SS18L2: variants seen among roughly 807,000 people sequenced by gnomAD.
SS18L2 encodes the protein SS18-like protein 2.
A neutral mutation model predicts 10.3 loss-of-function variants in SS18L2; 8 were observed. The ratio of observed to expected loss-of-function variants is 0.78; its 90% confidence interval spans 0.46 to 1.41. SS18L2 has a LOEUF of 1.41. Among genes scored for constraint, SS18L2 ranks in the 40% most tolerant of loss-of-function variants. The probability of loss-of-function intolerance (pLI) is 0.00; values close to 1 mark genes in which losing one functional copy is unlikely to be tolerated. For missense variants in SS18L2, 100 were observed against 96.2 expected (o/e 1.04, Z -0.17); for synonymous variants, 41 against 34.6 (o/e 1.19, Z -0.65).
Position 42,594,363 on chromosome 3 carries a change from T to G in SS18L2, c.147-59T>G, listed in dbSNP as rs1255471825. On this transcript the variant is annotated intron_variant, in intron 2 of 2. Transcript: ENST00000011691. ...TAGAGTGGGTAAATTATTTTCCAGTTTTTTGTTCATGGTCGGTAAAAACAA... is the reference window on the plus strand; with the variant it reads ...TAGAGTGGGTAAATTATTTTCCAGTGTTTTGTTCATGGTCGGTAAAAACAA... The G allele has an allele frequency of 1.5e-5, 21 of 1,385,674 alleles. No individual in the cohort carries two copies. In the Admixed American group the frequency reaches 3.4e-4, roughly 23 times the overall value. 85.8% of individuals were successfully genotyped at this position (1,385,674 alleles called of 1,614,324 possible). A position where few individuals can be genotyped will look rare whatever the true frequency, so the allele number is the denominator to read the frequency against.
intron 1 of SS18L2, among the ~76,000 whole-genome samples, chr3:42,583,324 A>G (rs1437820558): frequency 6.6e-6 from 1 of 152,212 alleles, no homozygotes; most frequent in African/African-American, 2.4e-5. Context: ...AGATCTAAGA[A>G]GGCTGCAGAG....
chr3:42,585,077 C>T (rs919838248), intron 1 of SS18L2, among the ~76,000 whole-genome samples: 1 of 152,050 alleles, frequency 6.6e-6, no homozygotes, highest in Non-Finnish European at 1.5e-5. Flanking sequence ...TGCAGTAAGC[C>T]GAGATCGCAC....
chr3:42,585,209 A>G (rs916850780), intron 1 of SS18L2, among the ~76,000 whole-genome samples: 1 of 152,256 alleles, frequency 6.6e-6, no homozygotes, highest in African/African-American at 2.4e-5. Flanking sequence ...CGAGTGCTTT[A>G]GAACAGGACC....
chr3:42,590,759 T>C, upstream of SS18L2: 3 of 892,012 alleles, frequency 3.4e-6, no homozygotes, highest in Non-Finnish European at 5.6e-6. Context: ...TGAGTATAGC[T>C]CTTGCGCGTC....
rs930993735 is a variant in SS18L2 at position 42,596,312 on chromosome 3, G to A, written c.*1803G>A. Among the ~76,000 whole-genome samples the A allele has an allele frequency of 6.6e-6, 1 of 152,154 alleles. No homozygotes were observed. The highest frequency in any genetic ancestry group is 2.4e-5 in the African/African-American group (1 of 41,438). On this transcript the variant is annotated 3_prime_UTR_variant, in exon 3 of 3. Coordinates refer to ENST00000011691, the MANE Select transcript of SS18L2 (RefSeq NM_001370300.1). The stretch of plus-strand genomic sequence containing the variant: ...GCTGGGATTACAGGCGTAAGCCACC[G>A]CGCCCAGCCGATCATTTCTGTTTTC...
intron 1 of SS18L2, among the ~76,000 whole-genome samples, chr3:42,583,180 T>C (rs1244246610): frequency 6.6e-6 from 1 of 152,246 alleles, no homozygotes; most frequent in Non-Finnish European, 1.5e-5. Context: ...AAACTCACTT[T>C]GGCTGCTAAA....
Position 42,594,586 on chromosome 3 carries a change from T to G in SS18L2, c.*77T>G. The G allele has an allele frequency of 6.2e-6, 8 of 1,287,014 alleles. No individual in the cohort carries two copies. The highest frequency in any genetic ancestry group is 8.9e-6 in the Non-Finnish European group (8 of 894,436). 79.7% of individuals were successfully genotyped at this position (1,287,014 alleles called of 1,614,324 possible). A position where few individuals can be genotyped will look rare whatever the true frequency, so the allele number is the denominator to read the frequency against. ...TGAATGTAATCCATCTCTTACAAAA[T>G]GGAGACAGGGTCTTTACCAACTCAA... On this transcript the variant is annotated 3_prime_UTR_variant, in exon 3 of 3. Coordinates refer to ENST00000011691, the MANE Select transcript of SS18L2 (RefSeq NM_001370300.1).
rs746859480 is a variant in SS18L2 at position 42,591,531 on chromosome 3, G to A, written c.76G>A (p.Glu26Lys). Reference sequence around the variant, plus strand: ...TCTTTCTCTGATCTTTCAGCTCCTTGAGGAGAATGACCAGCTGATCCGCTG... The same window carrying A: ...TCTTTCTCTGATCTTTCAGCTCCTTAAGGAGAATGACCAGCTGATCCGCTG... ...VNQETIQRLL[E>K]ENDQLIRCIV... Residue 26 changes from glutamate to lysine, a missense_variant, in exon 2 of 3, where the codon GAG (glutamate) becomes AAG (lysine). Coordinates refer to ENST00000011691, the MANE Select transcript of SS18L2 (RefSeq NM_001370300.1). 1.9e-6 allele frequency: 3 copies of A among 1,613,522 alleles called. No individual in the cohort carries two copies. The highest frequency in any genetic ancestry group is 3.3e-5 in the Admixed American group (2 of 60,020).
chr3:42,593,306 A>G (rs1322707311), intron 2 of SS18L2, among the ~76,000 whole-genome samples: 1 of 152,190 alleles, frequency 6.6e-6, no homozygotes, highest in African/African-American at 2.4e-5. Context: ...AATCCCAGCT[A>G]CTTGGGAGGC....
Position 42,595,231 on chromosome 3 carries a change from T to A in SS18L2, c.*722T>A, listed in dbSNP as rs573856727. Reference sequence around the variant, plus strand: ...GTCTGAACCAGAATCCAAATAAGATTCACATGTTGTATTTTGTTGATGTTC... The same window carrying A: ...GTCTGAACCAGAATCCAAATAAGATACACATGTTGTATTTTGTTGATGTTC... On this transcript the variant is annotated 3_prime_UTR_variant, in exon 3 of 3. Coordinates refer to ENST00000011691, the MANE Select transcript of SS18L2 (RefSeq NM_001370300.1). 1.2e-4 allele frequency: 18 copies of A among 152,360 alleles called. No homozygotes were observed. The highest frequency in any genetic ancestry group is 4.3e-4 in the African/African-American group (18 of 41,590). 9.4% of individuals were successfully genotyped at this position (152,360 alleles called of 1,614,324 possible).
chr3:42,583,555 G>A (rs890098707), intron 1 of SS18L2, among the ~76,000 whole-genome samples: 8 of 152,184 alleles, frequency 5.3e-5, no homozygotes, highest in Admixed American at 6.5e-5. Flanking sequence ...TTAGGATTTT[G>A]CGATGATTAG....
Position 42,595,786 on chromosome 3 carries a change from A to G in SS18L2, c.*1277A>G, listed in dbSNP as rs1476826434. Among the ~76,000 whole-genome samples the G allele has an allele frequency of 6.6e-6, 1 of 152,190 alleles. No individual in the cohort carries two copies. Among genetic ancestry groups the G allele is most frequent in the African/African-American group, 2.4e-5 (1 of 41,446 alleles). Reference sequence around the variant, plus strand: ...GCAACCTAGGGCAACTGTAAAATACATGTAAATAGTGAAGAGATAACTCAT... The same window carrying G: ...GCAACCTAGGGCAACTGTAAAATACGTGTAAATAGTGAAGAGATAACTCAT... On this transcript the variant is annotated 3_prime_UTR_variant, in exon 3 of 3. Coordinates refer to ENST00000011691, the MANE Select transcript of SS18L2 (RefSeq NM_001370300.1).
upstream of SS18L2, among the ~76,000 whole-genome samples, chr3:42,590,572 C>T (rs1003998135): frequency 1.3e-5 from 2 of 150,868 alleles, no homozygotes; most frequent in African/African-American, 4.9e-5. Context: ...GGCGACAGAG[C>T]GAGACTCCAT....
At chr3:42,583,562 T>C (rs1440735241) in intron 1 of SS18L2, among the ~76,000 whole-genome samples, 1 of 152,178 alleles carries the variant, frequency 6.6e-6, no homozygotes. Context: ...TTTGCGATGA[T>C]TAGTTTTAGA....
At chr3:42,585,972 C>T (rs1704598093), upstream of SS18L2, among the ~76,000 whole-genome samples, 1 of 152,142 alleles carries the variant, frequency 6.6e-6, no homozygotes, top group Non-Finnish European at 1.5e-5. Context: ...TCCCAGGAAC[C>T]TCCGTTACTG....
chr3:42,590,471 C>CA (rs1704781202), upstream of SS18L2, among the ~76,000 whole-genome samples: 1 of 151,924 alleles, frequency 6.6e-6, no homozygotes, highest in African/African-American at 2.4e-5. Context: ...TCTACTAATA[C>CA]AAAAAATTAG....
In SS18L2 at chr3:42,594,441, A is replaced by G; in HGVS notation, c.166A>G (p.Arg56Gly). The part of the protein sequence containing the change: ...ECVQYQHVLH[R>G]NLIYLATIAD... The stretch of plus-strand genomic sequence containing the variant: ...CCATAGGTACCAGCATGTGTTACAT[A>G]GAAATCTCATTTATTTGGCTACCAT... Residue 56 changes from arginine (R) to glycine (G), a missense_variant, in exon 3 of 3, where the codon AGA becomes GGA. Arg to Gly is a moderately radical substitution (Grantham distance 125, BLOSUM62 -2). Transcript: ENST00000011691. The G allele has an allele frequency of 1.2e-6, 2 of 1,613,992 alleles. No individual in the cohort carries two copies. The highest frequency in any genetic ancestry group is 1.7e-6 in the Non-Finnish European group (2 of 1,179,878).
At position 42,582,700 on chromosome 3, in the gene SS18L2, T is replaced by A. The variant is rs114346139; in HGVS notation, c.-90+742T>A. ...ACTGCTCTTCAGGGAGGAGCAGGGGTTTTGGGAGAATTTACAGAAGCTTCT... is the reference window on the plus strand; with the variant it reads ...ACTGCTCTTCAGGGAGGAGCAGGGGATTTGGGAGAATTTACAGAAGCTTCT... On this transcript the variant is annotated intron_variant, in intron 1 of 3. Transcript: ENST00000447630. Among the ~76,000 whole-genome samples, 968 of 151,846 alleles carry A rather than the reference T, an allele frequency of 6.4e-3. 4 individuals are homozygous for A. Among genetic ancestry groups the A allele is most frequent in the Non-Finnish European group, 0.01 (707 of 67,910 alleles).
upstream of SS18L2, chr3:42,590,843 C>G: frequency 1.3e-6 from 2 of 1,577,308 alleles, no homozygotes; most frequent in Non-Finnish European, 1.7e-6. Context: ...GAGCGTAGGC[C>G]CCACCTATCG....
Sources: gnomAD v4.1 joint callset for allele counts (sites outside exome capture counted in the v4.1 genomes callset) on GRCh38, gnomAD v4.1.1 for gene constraint, MANE v1.5 for transcripts, NCBI Gene and HGNC (gene_info 2026-07-23, HGNC 2026-07-21) for gene names.